The following STK33 variants were observed in gnomAD, a reference collection of about 807,000 sequenced individuals.
STK33 encodes the protein serine/threonine kinase 33.
STK33 carries 52 observed loss-of-function variants against 58.0 expected under a neutral mutation model. That is an observed-to-expected ratio of 0.90 (90% CI 0.72 to 1.13). The LOEUF (loss-of-function observed/expected upper bound fraction) is 1.13, where lower values mean the gene tolerates loss of function less well. Ranked by LOEUF, STK33 falls within the 50% of genes most tolerant of loss-of-function variation. STK33 has a pLI of 0.00. For synonymous variants in STK33, 215 were observed against 200.1 expected, an observed-to-expected ratio of 1.07 and a Z score of -0.63; for missense variants, 630 against 604.2, an observed-to-expected ratio of 1.04 and a Z score of -0.45.
At chr11:8,428,700 A>C (rs1367102482) in intron 14 of STK33, among the ~76,000 whole-genome samples, 3 of 152,212 alleles carry the variant, frequency 2.0e-5, no homozygotes, top group Non-Finnish European at 4.4e-5. Context: ...AAAACAATAC[A>C]ACATTGCTGA....
intron 14 of STK33, among the ~76,000 whole-genome samples, chr11:8,422,280 A>G (rs574398636): frequency 2.4e-4 from 36 of 152,258 alleles, no homozygotes; most frequent in African/African-American, 8.7e-4. Flanking sequence ...TTCTGAAATT[A>G]ATTCATCATT....
At chr11:8,541,813 T>C (rs1212605195) in intron 1 of STK33, among the ~76,000 whole-genome samples, 2 of 152,186 alleles carry the variant, frequency 1.3e-5, no homozygotes, top group African/African-American at 4.8e-5. Flanking sequence ...GAGAGTCTAA[T>C]GGAGTATGGA....
At chr11:8,574,362 T>C (rs2141206165) in intron 1 of STK33, among the ~76,000 whole-genome samples, 1 of 152,306 alleles carries the variant, frequency 6.6e-6, no homozygotes. Flanking sequence ...ATTTGAAACA[T>C]TTTGTAAATC....
At chr11:8,365,923 G>A in the STK33 span, among the ~76,000 whole-genome samples, 7 of 152,120 alleles carry the variant, frequency 4.6e-5, no homozygotes, top group African/African-American at 9.7e-5. Flanking sequence ...CAGCCTTTCC[G>A]CCTGTCTGTA....
chr11:8,384,883 T>C, the STK33 span, among the ~76,000 whole-genome samples: 2 of 152,148 alleles, frequency 1.3e-5, no homozygotes, highest in Admixed American at 6.5e-5. Context: ...GGCCCAGCTG[T>C]CTTTCATACT....
intron 1 of STK33, among the ~76,000 whole-genome samples, chr11:8,564,303 T>G (rs1036650610): frequency 6.6e-6 from 1 of 152,184 alleles, no homozygotes; most frequent in African/African-American, 2.4e-5. Flanking sequence ...ACTTTGGGCA[T>G]TGATGGATTA....
chr11:8,530,333 A>G (rs1954427059), intron 1 of STK33, among the ~76,000 whole-genome samples: 2 of 152,164 alleles, frequency 1.3e-5, no homozygotes, highest in African/African-American at 4.8e-5. Context: ...AACAGGAAGT[A>G]AAAGCACTCT....
chr11:8,526,461 A>G (rs1954032970), intron 1 of STK33, among the ~76,000 whole-genome samples: 1 of 152,104 alleles, frequency 6.6e-6, no homozygotes, highest in Non-Finnish European at 1.5e-5. Flanking sequence ...ATTATCTATT[A>G]AAGTTAAATA....
intron 1 of STK33, among the ~76,000 whole-genome samples, chr11:8,498,943 A>G (rs1951284401): frequency 6.6e-6 from 1 of 152,236 alleles, no homozygotes; most frequent in East Asian, 1.9e-4. Flanking sequence ...AAGATGAATT[A>G]AAGACTTAAA....
chr11:8,428,616 G>C (rs563041208), intron 14 of STK33, among the ~76,000 whole-genome samples: 18 of 152,308 alleles, frequency 1.2e-4, no homozygotes, highest in African/African-American at 4.3e-4. Context: ...TGAACTGCAT[G>C]ACACTACTAT....
the STK33 span, among the ~76,000 whole-genome samples, chr11:8,365,500 G>A: frequency 6.6e-6 from 1 of 152,200 alleles, no homozygotes; most frequent in Non-Finnish European, 1.5e-5. Flanking sequence ...TTCTGGGGGT[G>A]TCCCCAGGGG....
the STK33 span, among the ~76,000 whole-genome samples, chr11:8,361,449 A>G: frequency 6.6e-6 from 1 of 152,014 alleles, no homozygotes; most frequent in Non-Finnish European, 1.5e-5. The surrounding 1 kb of genome is among the most constrained non-coding windows in gnomAD (Gnocchi z 4.8). Flanking sequence ...CAAGAGGCTG[A>G]GGCCCCGCCC....
intron 1 of STK33, among the ~76,000 whole-genome samples, chr11:8,493,482 G>A (rs1215024136): frequency 2.0e-5 from 3 of 152,120 alleles, no homozygotes; most frequent in Non-Finnish European, 4.4e-5. Context: ...AAATGTCCAG[G>A]ACCAGACGGA....
At chr11:8,506,399 C>A (rs993371917) in intron 1 of STK33, among the ~76,000 whole-genome samples, 3 of 152,198 alleles carry the variant, frequency 2.0e-5, no homozygotes, top group Non-Finnish European at 2.9e-5. Context: ...AGCACAAACT[C>A]AGTGGCTTAA....
chr11:8,421,258 G>T (rs1941882737), intron 14 of STK33, among the ~76,000 whole-genome samples: 3 of 152,242 alleles, frequency 2.0e-5, no homozygotes, highest in Admixed American at 6.5e-5. Flanking sequence ...TCCACTTAGA[G>T]TTTCAACATT....
chr11:8,480,689 T>C (rs1037628957), intron 1 of STK33, 75 bp from the exon 2 acceptor site: 3 of 152,252 alleles, frequency 2.0e-5, no homozygotes, highest in Admixed American at 2.0e-4. Flanking sequence ...TTCCCCTTCA[T>C]GAAATCAGAG....
chr11:8,571,085 A>G (rs759318600), intron 1 of STK33, among the ~76,000 whole-genome samples: 8 of 152,198 alleles, frequency 5.3e-5, no homozygotes, highest in Non-Finnish European at 1.2e-4. Context: ...CCATGATTGC[A>G]CCAGTTTAAC....
chr11:8,406,476 A>C (rs1221772534), intron 15 of STK33, among the ~76,000 whole-genome samples: 1 of 152,220 alleles, frequency 6.6e-6, no homozygotes, highest in African/African-American at 2.4e-5. Flanking sequence ...CTGACATCTT[A>C]ATAGTACCAA....
intron 8 of STK33, among the ~76,000 whole-genome samples, chr11:8,458,746 C>T (rs1051785748): frequency 6.6e-6 from 1 of 152,110 alleles, no homozygotes; most frequent in African/African-American, 2.4e-5. Flanking sequence ...CTTTTTCATA[C>T]ATATTTCTAT....
Sources: allele counts gnomAD v4.1 joint callset (sites outside exome capture counted in the v4.1 genomes callset), GRCh38; gene constraint gnomAD v4.1.1; non-coding constraint Gnocchi (gnomAD v3.1); transcripts MANE v1.5; gene names NCBI Gene and HGNC (gene_info 2026-07-23, HGNC 2026-07-21).